Variants in SCN10A observed in about 807,000 individuals in gnomAD.
The protein encoded by SCN10A is sodium voltage-gated channel alpha subunit 10, also known as sodium channel protein type 10 subunit alpha.
SCN10A carries 162 observed loss-of-function variants against 170.7 expected under a neutral mutation model. That is an observed-to-expected ratio of 0.95 (90% CI 0.84 to 1.08). The LOEUF (loss-of-function observed/expected upper bound fraction) is 1.08, where lower values mean the gene tolerates loss of function less well. Ranked by LOEUF, SCN10A falls within the 50% of genes least tolerant of loss-of-function variation. The pLI, the probability that SCN10A is intolerant of heterozygous loss-of-function variation, is 0.00. For missense variants in SCN10A, 2,527 were observed against 2,436.9 expected (o/e 1.04, Z -0.78); for synonymous variants, 985 against 904.6 (o/e 1.09, Z -1.59).
At chr3:38,758,098 T>G (rs922457736) in intron 8 of SCN10A, among the ~76,000 whole-genome samples, 3 of 152,208 alleles carry the variant, frequency 2.0e-5, no homozygotes, top group African/African-American at 7.2e-5. Flanking sequence ...TCCCAGGATT[T>G]CTCCATGAAC....
At chr3:38,707,509 C>T in intron 25 of SCN10A, 126 bp from the exon 26 acceptor site, 1 of 931,392 alleles carries the variant, frequency 1.1e-6, no homozygotes, top group South Asian at 1.6e-5. Context: ...CAAACCAAGC[C>T]CAGCATCAAG....
At chr3:38,748,219 G>A (rs2063712759) in intron 13 of SCN10A, among the ~76,000 whole-genome samples, 1 of 152,164 alleles carries the variant, frequency 6.6e-6, no homozygotes, top group African/African-American at 2.4e-5. Context: ...GAAAGAAATT[G>A]TGGGAATAGC....
intron 21 of SCN10A, 49 bp downstream of exon 21, chr3:38,718,604 G>T: frequency 6.3e-7 from 1 of 1,595,288 alleles, no homozygotes; most frequent in Non-Finnish European, 8.6e-7. Flanking sequence ...GTAGCCAGGA[G>T]TCAGAGGGGA....
intron 5 of SCN10A, among the ~76,000 whole-genome samples, chr3:38,765,811 TA>T: frequency 6.6e-6 from 1 of 152,202 alleles, no homozygotes; most frequent in Non-Finnish European, 1.5e-5. Flanking sequence ...CTTTTGGCAG[TA>T]AGGTCATTTT....
chr3:38,808,947 G>A (rs544186815), intron 1 of SCN10A, among the ~76,000 whole-genome samples: 16 of 152,212 alleles, frequency 1.1e-4, no homozygotes, highest in Non-Finnish European at 1.6e-4. Flanking sequence ...GATGTTGGAC[G>A]TGTTTTTGTT....
At chr3:38,778,340 ATG>A (rs2126047387) in intron 4 of SCN10A, among the ~76,000 whole-genome samples, 1 of 152,038 alleles carries the variant, frequency 6.6e-6, no homozygotes, top group South Asian at 2.1e-4. Flanking sequence ...AAACCAGGGC[ATG>A]GGGAGAGTAG....
chr3:38,773,932 G>A (rs1422211643), intron 4 of SCN10A, among the ~76,000 whole-genome samples: 1 of 151,928 alleles, frequency 6.6e-6, no homozygotes, highest in African/African-American at 2.4e-5. Flanking sequence ...GAGATAGGGA[G>A]GTATCAGAAG....
intron 26 of SCN10A, among the ~76,000 whole-genome samples, chr3:38,706,398 G>A (rs1485731759): frequency 6.6e-6 from 1 of 152,190 alleles, no homozygotes; most frequent in African/African-American, 2.4e-5. Flanking sequence ...CAATACCTGT[G>A]ATTTTCTTCA....
intron 11 of SCN10A, among the ~76,000 whole-genome samples, chr3:38,752,736 A>C (rs2063763414): frequency 6.6e-6 from 1 of 152,222 alleles, no homozygotes; most frequent in Non-Finnish European, 1.5e-5. Context: ...GAGAGAGGAG[A>C]GATTACAGCG....
In SCN10A at chr3:38,793,606, A is replaced by AT. The variant is rs889528547; in HGVS notation, c.270+134dup. Reference sequence around the variant, plus strand: ...AAATAAGTTAGAGATATATATATATATTTTTTTTGGTTGTTAACGGAATCT... The same window carrying AT: ...AAATAAGTTAGAGATATATATATATATTTTTTTTTGGTTGTTAACGGAATCT... On this transcript the variant is annotated intron_variant, in intron 2 of 27. Coordinates refer to ENST00000449082, the MANE Select transcript of SCN10A (RefSeq NM_006514.4). The AT allele has an allele frequency of 4.6e-4, 328 of 711,194 alleles. 1 individual carries two copies. The East Asian group carries it at 4.9e-3, about 11-fold the overall frequency. 44.1% of individuals were successfully genotyped at this position (711,194 alleles called of 1,614,324 possible).
At chr3:38,703,904 T>G (rs575929383) in intron 26 of SCN10A, among the ~76,000 whole-genome samples, 1 of 152,238 alleles carries the variant, frequency 6.6e-6, no homozygotes, top group African/African-American at 2.4e-5. Flanking sequence ...GGTGTCTGCA[T>G]AGTGCCTGGC....
intron 3 of SCN10A, 111 bp downstream of exon 3, chr3:38,791,939 T>C: frequency 7.2e-7 from 1 of 1,394,304 alleles, no homozygotes; most frequent in East Asian, 2.3e-5. Flanking sequence ...TCATTGTACT[T>C]TTGGGATTCA....
At chr3:38,768,183 T>C (rs1356712062) in intron 5 of SCN10A, among the ~76,000 whole-genome samples, 2 of 152,090 alleles carry the variant, frequency 1.3e-5, no homozygotes, top group Non-Finnish European at 2.9e-5. Context: ...TGGTGGATTT[T>C]TTTTTTCCTT....
rs920665840 is a variant in SCN10A at position 38,701,736 on chromosome 3, C to A, written c.4657+103G>T. On this transcript the variant is annotated intron_variant, in intron 27 of 27. Coordinates refer to ENST00000449082, the MANE Select transcript of SCN10A (RefSeq NM_006514.4). The stretch of plus-strand genomic sequence containing the variant: ...ATACAGGGTTCTTCTAACATAAACA[C>A]GTATTTCAAAAAGTTGGTTGGTTAT... The A allele has an allele frequency of 3.0e-5, 33 of 1,101,582 alleles. No homozygotes were observed. In the African/African-American group the frequency reaches 4.7e-4, roughly 16 times the overall value. 68.2% of individuals were successfully genotyped at this position (1,101,582 alleles called of 1,614,324 possible).
In SCN10A at chr3:38,797,942, T is replaced by C. The variant is rs866730829; in HGVS notation, c.-32-3900A>G. Among the ~76,000 whole-genome samples, 3 of 152,154 alleles carry C rather than the reference T, an allele frequency of 2.0e-5. No homozygotes were observed. In the South Asian group the frequency reaches 6.2e-4, roughly 32 times the overall value. On this transcript the variant is annotated intron_variant, in intron 1 of 27. Transcript: ENST00000449082. ...TGTTTTCAACATTGGGGTGGGAATT[T>C]GTAGTGATGTGATGTAGGTATGAGG...
chr3:38,806,397 G>C (rs1297511260), intron 1 of SCN10A, among the ~76,000 whole-genome samples: 1 of 152,142 alleles, frequency 6.6e-6, no homozygotes, highest in Non-Finnish European at 1.5e-5. Flanking sequence ...CACATGATCT[G>C]AAAGTGTTGT....
chr3:38,757,843 C>T (rs189471696), intron 8 of SCN10A, among the ~76,000 whole-genome samples: 74 of 152,156 alleles, frequency 4.9e-4, no homozygotes, highest in South Asian at 3.1e-3. Context: ...AAATGACTGC[C>T]TGGTGAGTAT....
intron 12 of SCN10A, 137 bp from the exon 13 acceptor site, chr3:38,750,321 T>C: frequency 1.7e-6 from 1 of 584,332 alleles, no homozygotes; most frequent in Non-Finnish European, 3.1e-6. Context: ...TTCTGACAAA[T>C]ACATCATTAG....
Position 38,739,565 on chromosome 3 carries a change from G to A in SCN10A, c.2230C>T (p.Leu744=). ...CIIVTVSLLE[L]GVAKKGSLSV... Reference sequence around the variant, plus strand: ...AGGCTTCCCTTCTTGGCCACGCCCAGCTCTAGCAGACTCACAGTGACGATG... The same window carrying A: ...AGGCTTCCCTTCTTGGCCACGCCCAACTCTAGCAGACTCACAGTGACGATG... Residue 744 remains leucine (L), a synonymous_variant, in exon 15 of 28, where the codon CTG becomes TTG. Coordinates refer to ENST00000449082, the MANE Select transcript of SCN10A (RefSeq NM_006514.4). 6.2e-7 allele frequency: 1 copy of A among 1,614,152 alleles called. No individual in the cohort carries two copies. The highest frequency in any genetic ancestry group is 1.6e-4 in the Middle Eastern group (1 of 6,062).
Sources: gnomAD v4.1 joint callset for allele counts (sites outside exome capture counted in the v4.1 genomes callset) on GRCh38, gnomAD v4.1.1 for gene constraint, MANE v1.5 for transcripts, NCBI Gene and HGNC (gene_info 2026-07-23, HGNC 2026-07-21) for gene names.